The following RIPOR2 variants were observed in gnomAD, a reference collection of about 807,000 sequenced individuals.
RIPOR2 encodes rho family-interacting cell polarization regulator 2.
A neutral mutation model predicts 114.5 loss-of-function variants in RIPOR2; 39 were observed. The observed-to-expected ratio is 0.34, with a 90% CI of 0.26 to 0.44. The LOEUF is 0.44. Ranked by LOEUF, RIPOR2 falls within the 20% of genes least tolerant of loss-of-function variation. The pLI is 1.00. For missense variants in RIPOR2, 1,007 were observed against 1,255.1 expected, an observed-to-expected ratio of 0.80 and a Z score of 2.99; for synonymous variants, 445 against 484.4, an observed-to-expected ratio of 0.92 and a Z score of 1.07.
At chr6:24,837,584 A>G (rs1194650057) in intron 14 of RIPOR2, among the ~76,000 whole-genome samples, 1 of 151,968 alleles carries the variant, frequency 6.6e-6, no homozygotes, top group Non-Finnish European at 1.5e-5. Flanking sequence ...TAACTTTTGT[A>G]TTTTTAGTAG....
chr6:24,985,105 T>G (rs1052177562), intron 1 of RIPOR2, among the ~76,000 whole-genome samples: 11 of 152,322 alleles, frequency 7.2e-5, no homozygotes, highest in African/African-American at 2.6e-4. Context: ...TTTTTTACCG[T>G]AAACAATTCC....
At chr6:24,965,214 T>C (rs564997136) in intron 1 of RIPOR2, among the ~76,000 whole-genome samples, 52 of 152,170 alleles carry the variant, frequency 3.4e-4, no homozygotes, top group African/African-American at 1.2e-3. Flanking sequence ...GTACAATTAC[T>C]GCAGCCTCCA....
At chr6:24,892,313 G>A (rs1767442738) in intron 1 of RIPOR2, among the ~76,000 whole-genome samples, 1 of 152,048 alleles carries the variant, frequency 6.6e-6, no homozygotes, top group Admixed American at 6.6e-5. Context: ...GTGTTGCCCA[G>A]GCTGGATAGT....
intron 1 of RIPOR2, among the ~76,000 whole-genome samples, chr6:24,971,856 C>A (rs777896343): frequency 7.9e-5 from 12 of 152,256 alleles, no homozygotes; most frequent in Admixed American, 1.3e-4. Flanking sequence ...TGACTTTGAG[C>A]AAGTTTAATG....
At chr6:24,890,814 C>A (rs1345356748) in intron 1 of RIPOR2, among the ~76,000 whole-genome samples, 1 of 148,898 alleles carries the variant, frequency 6.7e-6, no homozygotes, top group Non-Finnish European at 1.5e-5. Flanking sequence ...GCCACCACTC[C>A]CAGCGAATTT....
At chr6:24,919,483 A>G (rs1257969778) in intron 1 of RIPOR2, among the ~76,000 whole-genome samples, 1 of 152,200 alleles carries the variant, frequency 6.6e-6, no homozygotes, top group Non-Finnish European at 1.5e-5. Flanking sequence ...AATCCCGGCT[A>G]TGTTTTCATT....
rs146193832 is a variant in RIPOR2 at position 24,844,941 on chromosome 6, C to G, written c.1165-1387G>C. 8.6e-3 allele frequency among the ~76,000 whole-genome samples: 1,307 copies of G among 152,046 alleles called. 9 individuals are homozygous for G. Among genetic ancestry groups the G allele is most frequent in the Non-Finnish European group, 0.014 (978 of 67,986 alleles). ...ACATTACAGCAAATGCAGTGAAGAG[C>G]AGAAGGGAAGACAAAGGCTCCCCTT... On this transcript the variant is annotated intron_variant, in intron 12 of 21. Transcript: ENST00000643898.
At chr6:25,031,705 A>T (rs1244781281) in intron 1 of RIPOR2, among the ~76,000 whole-genome samples, 3 of 4,626 alleles carry the variant, frequency 6.5e-4, no homozygotes, top group African/African-American at 2.0e-3. Context: ...GTAGTTATAT[A>T]TATATATATA....
chr6:25,008,811 T>C (rs1339426752), intron 1 of RIPOR2, among the ~76,000 whole-genome samples: 4 of 152,248 alleles, frequency 2.6e-5, no homozygotes, highest in African/African-American at 4.8e-5. Context: ...ATGATGGCTC[T>C]GGAGGAGCCA....
upstream of RIPOR2, among the ~76,000 whole-genome samples, chr6:24,938,858 C>G (rs532002556): frequency 2.6e-5 from 4 of 152,162 alleles, no homozygotes; most frequent in African/African-American, 9.7e-5. Flanking sequence ...ATATGACATA[C>G]ATGCATGATG....
upstream of RIPOR2, among the ~76,000 whole-genome samples, chr6:24,937,919 C>G (rs946066917): frequency 6.6e-6 from 1 of 152,140 alleles, no homozygotes; most frequent in Non-Finnish European, 1.5e-5. Flanking sequence ...TGCACTACCT[C>G]CCTCACCTCC....
chr6:24,855,106 G>A (rs1360590992), intron 8 of RIPOR2, among the ~76,000 whole-genome samples: 1 of 151,254 alleles, frequency 6.6e-6, no homozygotes, highest in Non-Finnish European at 1.5e-5. Context: ...GATCCCCAGG[G>A]AAAAAAGTCT....
At chr6:24,876,895 C>T (rs1765827860) in intron 1 of RIPOR2, 1 of 868,500 alleles carries the variant, frequency 1.2e-6, no homozygotes, top group African/African-American at 1.8e-5. Context: ...AAGGATGACC[C>T]TGCAACTGTT....
At chr6:24,953,015 G>A (rs1772852000) in intron 1 of RIPOR2, among the ~76,000 whole-genome samples, 1 of 152,180 alleles carries the variant, frequency 6.6e-6, no homozygotes, top group African/African-American at 2.4e-5. Context: ...CAGTGTGGCT[G>A]TATTTGGAGT....
intron 1 of RIPOR2, among the ~76,000 whole-genome samples, chr6:24,887,061 C>A (rs1766903433): frequency 6.6e-6 from 1 of 152,048 alleles, no homozygotes; most frequent in Admixed American, 6.6e-5. Flanking sequence ...GGTTATAATC[C>A]ACTACTATAA....
chr6:24,950,069 C>T (rs1772671263), intron 1 of RIPOR2, among the ~76,000 whole-genome samples: 1 of 152,160 alleles, frequency 6.6e-6, no homozygotes, highest in Middle Eastern at 3.2e-3. Context: ...CTGTTGCATC[C>T]ATGTAGTTCA....
At chr6:25,033,228 T>C (rs1174651629) in intron 1 of RIPOR2, among the ~76,000 whole-genome samples, 4 of 152,022 alleles carry the variant, frequency 2.6e-5, no homozygotes, top group African/African-American at 9.7e-5. Context: ...AAAAGTTTTA[T>C]GGTTTTAGCT....
chr6:24,811,286 T>C (rs1021716319), intron 20 of RIPOR2, among the ~76,000 whole-genome samples: 10 of 138,492 alleles, frequency 7.2e-5, no homozygotes, highest in African/African-American at 2.5e-4. Context: ...CAGGTTGGAG[T>C]GCAGTGGTGC....
intron 1 of RIPOR2, among the ~76,000 whole-genome samples, chr6:25,039,574 C>T (rs193171251): frequency 2.5e-3 from 386 of 152,300 alleles, no homozygotes; most frequent in African/African-American, 8.8e-3. Context: ...AGATGTTAGT[C>T]TCAAAATTTA....
Sources: gnomAD v4.1 joint callset for allele counts (sites outside exome capture counted in the v4.1 genomes callset) on GRCh38, gnomAD v4.1.1 for gene constraint, MANE v1.5 for transcripts, NCBI Gene and HGNC (gene_info 2026-07-23, HGNC 2026-07-21) for gene names.